Variants in MSRA observed in about 807,000 individuals in gnomAD.
MSRA encodes the protein mitochondrial peptide methionine sulfoxide reductase.
MSRA carries 54 observed loss-of-function variants against 31.3 expected under a neutral mutation model. The ratio of observed to expected loss-of-function variants is 1.73; its 90% CI spans 1.39 to 2.17. MSRA has a LOEUF of 2.17. Among genes scored for constraint, MSRA ranks in the 30% most tolerant of loss-of-function variants. MSRA has a pLI of 0.00. For missense variants in MSRA, 507 were observed against 300.9 expected, an observed-to-expected ratio of 1.69 and a Z score of -5.07; for synonymous variants, 169 against 116.5, an observed-to-expected ratio of 1.45 and a Z score of -2.90.
chr8:10,118,425 C>T (rs907919587), intron 1 of MSRA, among the ~76,000 whole-genome samples: 9 of 152,120 alleles, frequency 5.9e-5, no homozygotes, highest in East Asian at 1.9e-4. Context: ...GTGTCTGTAC[C>T]TCTGTATCTG....
At chr8:10,427,378 T>G (rs1809243206) in intron 5 of MSRA, among the ~76,000 whole-genome samples, 1 of 152,164 alleles carries the variant, frequency 6.6e-6, no homozygotes, top group Non-Finnish European at 1.5e-5. Context: ...CCTCTCTCCT[T>G]TCCCAGCTTG....
chr8:10,281,945 T>C (rs569763534), intron 3 of MSRA, among the ~76,000 whole-genome samples: 1 of 152,320 alleles, frequency 6.6e-6, no homozygotes, highest in South Asian at 2.1e-4. Context: ...GGGCTTACTT[T>C]GCAGGTTTTT....
intron 1 of MSRA, among the ~76,000 whole-genome samples, chr8:10,093,995 C>G (rs1798992184): frequency 6.6e-6 from 1 of 152,174 alleles, no homozygotes; most frequent in Non-Finnish European, 1.5e-5. Flanking sequence ...CTGAGGATTC[C>G]TTGCACGTGA....
chr8:10,325,162 G>T (rs1467324334), intron 5 of MSRA, among the ~76,000 whole-genome samples: 3 of 152,196 alleles, frequency 2.0e-5, no homozygotes, highest in Non-Finnish European at 2.9e-5. Flanking sequence ...AGGGAAGGCA[G>T]CTGACTGCAA....
chr8:10,319,871 C>T lies in MSRA; in HGVS notation c.437-12C>T, dbSNP rs1801942693. 2.0e-6 allele frequency: 3 copies of T among 1,499,942 alleles called. No individual in the cohort carries two copies. Among genetic ancestry groups the T allele is most frequent in the Non-Finnish European group, 2.7e-6 (3 of 1,117,296 alleles). The allele number at this position is 1,499,942 out of a possible 1,614,324, so 92.9% of individuals were successfully genotyped here. A position where few individuals can be genotyped will look rare whatever the true frequency, so the allele number is the denominator to read the frequency against. ...GTGACCGGGTAACCCTCCCTGTTTT[C>T]TGCTTTCCTAGGTATGCGCCAGGGG... On this transcript the variant is annotated splice_polypyrimidine_tract_variant and intron_variant, in intron 4 of 5. Transcript: ENST00000317173.
At chr8:10,080,960 C>G (rs1217055346) in intron 1 of MSRA, among the ~76,000 whole-genome samples, 1 of 152,214 alleles carries the variant, frequency 6.6e-6, no homozygotes, top group Non-Finnish European at 1.5e-5. Context: ...AGGCATAGTC[C>G]AGATAAACTG....
chr8:10,201,572 C>G (rs1808504991), intron 1 of MSRA, among the ~76,000 whole-genome samples: 1 of 152,144 alleles, frequency 6.6e-6, no homozygotes, highest in Admixed American at 6.6e-5. Flanking sequence ...TGGTTTATGC[C>G]TGATTTTGCA....
At chr8:10,421,297 G>A (rs1440959690) in intron 5 of MSRA, among the ~76,000 whole-genome samples, 4 of 152,142 alleles carry the variant, frequency 2.6e-5, no homozygotes, top group African/African-American at 9.7e-5. Flanking sequence ...CTGAGAAACA[G>A]GAATAAGAAG....
intron 4 of MSRA, among the ~76,000 whole-genome samples, chr8:10,302,343 G>C (rs568214587): frequency 3.3e-5 from 5 of 152,364 alleles, no homozygotes; most frequent in African/African-American, 1.2e-4. Flanking sequence ...TGCTTTGCCA[G>C]TGTGATGATC....
intron 2 of MSRA, among the ~76,000 whole-genome samples, chr8:10,225,732 T>A (rs576533585): frequency 6.6e-6 from 1 of 152,254 alleles, no homozygotes; most frequent in South Asian, 2.1e-4. Flanking sequence ...AGCCTAGTTT[T>A]CTGGGTACTC....
intron 1 of MSRA, among the ~76,000 whole-genome samples, chr8:10,117,955 T>A (rs527437766): frequency 6.6e-6 from 1 of 152,236 alleles, no homozygotes; most frequent in South Asian, 2.1e-4. Context: ...AGGTAGAACA[T>A]AAACAAAAAC....
intron 5 of MSRA, among the ~76,000 whole-genome samples, chr8:10,331,819 C>G (rs1802718876): frequency 6.6e-6 from 1 of 152,178 alleles, no homozygotes; most frequent in South Asian, 2.1e-4. Flanking sequence ...ATACAATGCA[C>G]ATACTATTAA....
At chr8:10,200,819 A>G (rs1403362335) in intron 1 of MSRA, among the ~76,000 whole-genome samples, 1 of 152,212 alleles carries the variant, frequency 6.6e-6, no homozygotes, top group East Asian at 1.9e-4. Context: ...ATGTATGACT[A>G]GAGGCGTGAC....
chr8:10,274,381 G>C (rs1332013387), intron 3 of MSRA, among the ~76,000 whole-genome samples: 1 of 152,172 alleles, frequency 6.6e-6, no homozygotes, highest in Non-Finnish European at 1.5e-5. Context: ...TGGGAAAGCA[G>C]ATGTTGGCAT....
At chr8:10,128,027 A>C (rs1801625302) in intron 1 of MSRA, among the ~76,000 whole-genome samples, 1 of 152,018 alleles carries the variant, frequency 6.6e-6, no homozygotes, top group South Asian at 2.1e-4. Context: ...AGAGAGGAGA[A>C]CTGCGGATCT....
At chr8:10,365,953 C>G (rs138734545) in intron 5 of MSRA, among the ~76,000 whole-genome samples, 1 of 152,234 alleles carries the variant, frequency 6.6e-6, no homozygotes, top group African/African-American at 2.4e-5. Flanking sequence ...GGCTGCAGGA[C>G]GACCTTCATT....
chr8:10,382,863 G>A (rs10283037), intron 5 of MSRA, among the ~76,000 whole-genome samples: 2,627 of 152,254 alleles, frequency 0.017, 80 homozygotes, highest in African/African-American at 0.061. Flanking sequence ...GACGGTTCCT[G>A]GTCCACCTTA....
chr8:10,213,098 C>T (rs1809653264), intron 2 of MSRA, among the ~76,000 whole-genome samples: 1 of 152,104 alleles, frequency 6.6e-6, no homozygotes, highest in African/African-American at 2.4e-5. Flanking sequence ...TAACTATAGT[C>T]ACCCTGTTGT....
At chr8:10,072,109 C>G (rs944839730) in intron 1 of MSRA, among the ~76,000 whole-genome samples, 4 of 151,978 alleles carry the variant, frequency 2.6e-5, no homozygotes, top group Non-Finnish European at 5.9e-5. Flanking sequence ...CCATGTGACA[C>G]ACACCCTTAA....
Sources: gnomAD v4.1 joint callset for allele counts (sites outside exome capture counted in the v4.1 genomes callset) on GRCh38, gnomAD v4.1.1 for gene constraint, MANE v1.5 for transcripts, NCBI Gene and HGNC (gene_info 2026-07-23, HGNC 2026-07-21) for gene names.